Variants in CSMD1 observed in about 807,000 individuals in gnomAD.
CSMD1 encodes CUB and Sushi multiple domains 1.
CSMD1 carries 213 observed loss-of-function variants against 417.5 expected under a neutral mutation model. That is an observed-to-expected ratio of 0.51 (90% CI 0.46 to 0.57). The LOEUF (loss-of-function observed/expected upper bound fraction) is 0.57, where lower values mean the gene tolerates loss of function less well. Ranked by LOEUF, CSMD1 falls within the 20% of genes least tolerant of loss-of-function variation. CSMD1 has a pLI of 0.00. For missense variants in CSMD1, 6,923 were observed against 4,529.7 expected (o/e 1.53, Z -15.17); for synonymous variants, 2,862 against 1,736.8 (o/e 1.65, Z -16.11).
chr8:4,090,639 G>A (rs1221449949), intron 3 of CSMD1, among the ~76,000 whole-genome samples: 1 of 152,114 alleles, frequency 6.6e-6, no homozygotes, highest in Non-Finnish European at 1.5e-5. Flanking sequence ...GAACGTCCCT[G>A]AACTTAAGTA....
chr8:3,776,227 G>A (rs367972249), intron 5 of CSMD1, among the ~76,000 whole-genome samples: 17 of 152,234 alleles, frequency 1.1e-4, no homozygotes, highest in Admixed American at 6.5e-4. Context: ...GTGCTCATCC[G>A]GATGGAGGTC....
chr8:3,506,046 G>T (rs1563103257), intron 10 of CSMD1, among the ~76,000 whole-genome samples: 1 of 152,150 alleles, frequency 6.6e-6, no homozygotes, highest in Non-Finnish European at 1.5e-5. Context: ...AATGTAGAAA[G>T]GGCAACCAAG....
At chr8:3,936,690 G>A (rs1482100206) in intron 5 of CSMD1, among the ~76,000 whole-genome samples, 2 of 152,198 alleles carry the variant, frequency 1.3e-5, no homozygotes, top group East Asian at 1.9e-4. Context: ...TCACACAAGA[G>A]CTCTGACAGA....
chr8:4,991,713 G>A (rs1245611793), intron 1 of CSMD1, among the ~76,000 whole-genome samples: 19 of 152,276 alleles, frequency 1.2e-4, no homozygotes, highest in African/African-American at 4.3e-4. Flanking sequence ...CCCGACCTTG[G>A]TCACCCGGGC....
At chr8:3,047,106 A>T in intron 50 of CSMD1, among the ~76,000 whole-genome samples, 1 of 150,856 alleles carries the variant, frequency 6.6e-6, no homozygotes, top group Admixed American at 6.6e-5. Flanking sequence ...TAGTCAGGAG[A>T]CTGAGGCAGG....
chr8:4,405,282 T>C (rs1039062115), intron 3 of CSMD1, among the ~76,000 whole-genome samples: 22 of 152,226 alleles, frequency 1.4e-4, no homozygotes, highest in Admixed American at 1.0e-3. Flanking sequence ...AAAATGATAT[T>C]ATCATAGCAT....
intron 7 of CSMD1, among the ~76,000 whole-genome samples, chr8:3,624,704 C>G (rs1489192693): frequency 6.6e-6 from 1 of 152,170 alleles, no homozygotes; most frequent in African/African-American, 2.4e-5. Context: ...GTTTGAGTGA[C>G]AGCCCACTCT....
intron 2 of CSMD1, among the ~76,000 whole-genome samples, chr8:4,589,832 C>G (rs1404945850): frequency 6.6e-6 from 1 of 152,140 alleles, no homozygotes; most frequent in Admixed American, 6.6e-5. Context: ...TTGGCAGTTT[C>G]TGGAATGCAG....
At chr8:4,625,413 T>C (rs1157420558) in intron 2 of CSMD1, among the ~76,000 whole-genome samples, 1 of 152,104 alleles carries the variant, frequency 6.6e-6, no homozygotes, top group Non-Finnish European at 1.5e-5. Context: ...TTTGAAGCAG[T>C]CGCCTCTTTG....
chr8:4,428,871 C>G (rs11774358), intron 2 of CSMD1, among the ~76,000 whole-genome samples: 1 of 151,912 alleles, frequency 6.6e-6, no homozygotes, highest in Non-Finnish European at 1.5e-5. Flanking sequence ...GGCACCACCA[C>G]GTCCAGCTAA....
At chr8:3,761,710 T>G (rs879243369) in intron 5 of CSMD1, among the ~76,000 whole-genome samples, 3 of 152,062 alleles carry the variant, frequency 2.0e-5, no homozygotes, top group African/African-American at 7.2e-5. Context: ...TTCACCATGT[T>G]GGCCAGGCTG....
intron 7 of CSMD1, among the ~76,000 whole-genome samples, chr8:3,688,427 A>T (rs1249386118): frequency 6.6e-6 from 1 of 152,136 alleles, no homozygotes; most frequent in Non-Finnish European, 1.5e-5. Flanking sequence ...AGACTTTGAA[A>T]CTGCTACATG....
At chr8:4,002,038 C>T (rs1267651891) in intron 4 of CSMD1, among the ~76,000 whole-genome samples, 2 of 152,106 alleles carry the variant, frequency 1.3e-5, no homozygotes, top group Non-Finnish European at 2.9e-5. Flanking sequence ...TTGTATAGCA[C>T]TCCACATAAA....
intron 9 of CSMD1, among the ~76,000 whole-genome samples, chr8:3,579,057 G>A (rs967032644): frequency 7.2e-5 from 11 of 152,122 alleles, no homozygotes; most frequent in African/African-American, 2.7e-4. Context: ...AAAGGTACTT[G>A]GATAATAACT....
chr8:4,327,283 ATC>A (rs549355061), intron 3 of CSMD1, among the ~76,000 whole-genome samples: 188 of 152,326 alleles, frequency 1.2e-3, no homozygotes, highest in African/African-American at 4.4e-3. Flanking sequence ...CTCTTTAAGT[ATC>A]TCTTTTACAT....
chr8:2,977,889 C>G (rs1805070009), intron 55 of CSMD1, among the ~76,000 whole-genome samples: 2 of 152,172 alleles, frequency 1.3e-5, no homozygotes, highest in African/African-American at 4.8e-5. Flanking sequence ...CATCTCATGC[C>G]TGTCAGAATG....
In CSMD1 at chr8:3,181,288, A is replaced by C. The variant is rs147353911; in HGVS notation, c.5621-74T>G. The C allele has an allele frequency of 1.0e-3, 1,020 of 1,006,488 alleles. 7 individuals are homozygous for C. The African/African-American group carries it at 0.015, about 15-fold the overall frequency. The allele number at this position is 1,006,488 out of a possible 1,614,324, so 62.3% of individuals were successfully genotyped here. A position where few individuals can be genotyped will look rare whatever the true frequency, so the allele number is the denominator to read the frequency against. On this transcript the variant is annotated intron_variant, in intron 36 of 69. Transcript: ENST00000635120. ...TTTTCTAAATATAAAACATATGAGA[A>C]TACTTATTAGGCTTACAAATCCCTA...
At chr8:4,478,242 T>C (rs972216651) in intron 2 of CSMD1, among the ~76,000 whole-genome samples, 1 of 152,188 alleles carries the variant, frequency 6.6e-6, no homozygotes, top group African/African-American at 2.4e-5. Context: ...AAAGCTTCCT[T>C]AGAAATGCTT....
Position 3,732,945 on chromosome 8 carries a change from A to G in CSMD1, c.931+20985T>C, listed in dbSNP as rs993244016. On this transcript the variant is annotated intron_variant, in intron 6 of 69. Coordinates refer to ENST00000635120, the MANE Select transcript of CSMD1 (RefSeq NM_033225.6). ...ACAACTATTTATCTATCCATTATCT[A>G]TCTATCTACTTACCTACCTACCTAT... Among the ~76,000 whole-genome samples the G allele has an allele frequency of 3.9e-5, 6 of 152,094 alleles. No homozygotes were observed. The East Asian group carries it at 5.8e-4, about 15-fold the overall frequency.
Sources: allele counts gnomAD v4.1 joint callset (sites outside exome capture counted in the v4.1 genomes callset), GRCh38; gene constraint gnomAD v4.1.1; transcripts MANE v1.5; gene names NCBI Gene and HGNC (gene_info 2026-07-23, HGNC 2026-07-21).